The following FAF1 variants were observed in gnomAD, a reference collection of about 807,000 sequenced individuals.
FAF1 encodes Fas associated factor 1.
A neutral mutation model predicts 92.5 loss-of-function variants in FAF1; 25 were observed. That is an observed-to-expected ratio of 0.27 (90% CI 0.20 to 0.38). The LOEUF is 0.38. FAF1 is among the 10% of genes least tolerant of loss of function. The pLI is 1.00. For synonymous variants in FAF1, 234 were observed against 273.2 expected (o/e 0.86, Z 1.42); for missense variants, 636 against 793.3 (o/e 0.80, Z 2.38).
chr1:50,713,843 G>A (rs115100714), intron 6 of FAF1, among the ~76,000 whole-genome samples: 9,874 of 145,568 alleles, frequency 0.068, 410 homozygotes, highest in East Asian at 0.1. Context: ...GCATGATCTC[G>A]GTTCACTGTA....
At chr1:50,489,160 C>T (rs1646800610) in intron 17 of FAF1, among the ~76,000 whole-genome samples, 1 of 152,184 alleles carries the variant, frequency 6.6e-6, no homozygotes, top group South Asian at 2.1e-4. Context: ...TTTGCTGTTA[C>T]TCCTAGACAG....
intron 3 of FAF1, among the ~76,000 whole-genome samples, chr1:50,798,962 C>T (rs979198362): frequency 2.0e-5 from 3 of 152,130 alleles, no homozygotes; most frequent in African/African-American, 4.8e-5. Flanking sequence ...TCACTGCAAC[C>T]TTGGCCTCCC....
intron 17 of FAF1, 73 bp from the exon 18 acceptor site, chr1:50,475,752 G>T: frequency 1.1e-6 from 1 of 948,576 alleles, no homozygotes; most frequent in Non-Finnish European, 1.5e-6. Flanking sequence ...GAAGACACCA[G>T]AAAAAAAGCT....
At chr1:50,910,662 CGTGGCCGTGGGA>C (rs1457489978) in intron 1 of FAF1, among the ~76,000 whole-genome samples, 5 of 151,706 alleles carry the variant, frequency 3.3e-5, no homozygotes, top group African/African-American at 1.2e-4. Flanking sequence ...AGCAAGGCTC[CGTGGCCGTGGGA>C]CCCTCCAAGC....
At chr1:50,831,391 G>A (rs1644151350) in intron 2 of FAF1, among the ~76,000 whole-genome samples, 1 of 152,144 alleles carries the variant, frequency 6.6e-6, no homozygotes, top group Non-Finnish European at 1.5e-5. Flanking sequence ...TATAGAATCT[G>A]TCTTCTGTAT....
At chr1:50,441,707 A>T (rs1367731984) in intron 18 of FAF1, among the ~76,000 whole-genome samples, 184 bp from the exon 19 acceptor site, 2 of 152,210 alleles carry the variant, frequency 1.3e-5, no homozygotes, top group Non-Finnish European at 2.9e-5. Context: ...TTTATAAATG[A>T]GGAAACCAGG....
At chr1:50,498,423 A>C (rs1646927775) in intron 15 of FAF1, among the ~76,000 whole-genome samples, 1 of 152,222 alleles carries the variant, frequency 6.6e-6, no homozygotes, top group Non-Finnish European at 1.5e-5. Context: ...ATCAAAATTA[A>C]ACCTTTTTCA....
chr1:50,576,393 C>T (rs1394288811), intron 12 of FAF1, among the ~76,000 whole-genome samples: 1 of 152,206 alleles, frequency 6.6e-6, no homozygotes, highest in Non-Finnish European at 1.5e-5. Flanking sequence ...ATCTTTGGAG[C>T]TGTAATGAAA....
intron 8 of FAF1, among the ~76,000 whole-genome samples, chr1:50,599,387 C>G (rs1197886245): frequency 6.6e-6 from 1 of 152,166 alleles, no homozygotes; most frequent in Admixed American, 6.5e-5. Context: ...GCTGGGATTA[C>G]AGGCCTAAGC....
rs151310568 is a variant in FAF1 at position 50,530,678 on chromosome 1, G to C, written c.1494+4691C>G. On this transcript the variant is annotated intron_variant, in intron 15 of 18. Transcript: ENST00000396153. ...AACTCAAAGAATAAATGCTTGAGGAGATGGATACCCCATTCTCCATGATGT... is the reference window on the plus strand; with the variant it reads ...AACTCAAAGAATAAATGCTTGAGGACATGGATACCCCATTCTCCATGATGT... 7.0e-4 allele frequency among the ~76,000 whole-genome samples: 106 copies of C among 152,256 alleles called. 6 individuals are homozygous for C. The East Asian group carries it at 0.019, about 28-fold the overall frequency.
chr1:50,612,600 G>T (rs1173308537), intron 8 of FAF1: 1 of 412,142 alleles, frequency 2.4e-6, no homozygotes, highest in Non-Finnish European at 3.3e-6. Context: ...AAATATAAGA[G>T]CTCTGGATAT....
rs538817613 is a variant in FAF1, at chr1:50,924,960, G to T, written c.45+34807C>A. On this transcript the variant is annotated intron_variant, in intron 1 of 18. Transcript: ENST00000396153. ...ATCGTGCCATTGCACTCCAGCCTGG[G>T]TGACAAGAATGAAACTCCATCTCAA... Among the ~76,000 whole-genome samples the T allele has an allele frequency of 2.3e-4, 35 of 152,314 alleles. No homozygotes were observed. In the South Asian group the frequency reaches 7.3e-3, roughly 32 times the overall value.
At position 50,539,654 on chromosome 1, in the gene FAF1, A is replaced by C; in HGVS notation, c.1343T>G (p.Phe448Cys). Residue 448 changes from phenylalanine (F) to cysteine (C), a missense_variant, in exon 14 of 19, where the codon TTT becomes TGT. Physicochemically the swap from Phe to Cys is radical, Grantham distance 205. Coordinates refer to ENST00000396153, the MANE Select transcript of FAF1 (RefSeq NM_007051.3). Reference protein sequence around the residue: ...QTIRTQKTDQFPLFLIIMGKR... With the variant: ...QTIRTQKTDQCPLFLIIMGKR... ...TCCCATAATAATCAGGAAAAGCGGAAACTGATCCGTTTTTTGAGTCCGAAT... is the reference window on the plus strand; with the variant it reads ...TCCCATAATAATCAGGAAAAGCGGACACTGATCCGTTTTTTGAGTCCGAAT... 1 of 1,612,078 alleles carries C rather than the reference A, an allele frequency of 6.2e-7. No homozygotes were observed. The highest frequency in any genetic ancestry group is 8.5e-7 in the Non-Finnish European group (1 of 1,178,382).
chr1:50,718,003 ATTTATTT>A (rs1658251178), intron 6 of FAF1, among the ~76,000 whole-genome samples: 1 of 148,214 alleles, frequency 6.7e-6, no homozygotes, highest in African/African-American at 2.5e-5. Context: ...TTATTTATTT[ATTTATTT>A]ATTTATTTAT....
At chr1:50,729,058 A>ATATTT (rs1375923156) in intron 6 of FAF1, among the ~76,000 whole-genome samples, 710 of 70,038 alleles carry the variant, frequency 0.01, 13 homozygotes, top group South Asian at 0.016. Flanking sequence ...ATATATATAT[A>ATATTT]TTTTTTTTTT....
chr1:50,904,779 G>C (rs182486104), intron 1 of FAF1, among the ~76,000 whole-genome samples: 112 of 152,110 alleles, frequency 7.4e-4, no homozygotes, highest in African/African-American at 2.7e-3. Context: ...TGAACTGCCA[G>C]TTTCCACAAA....
chr1:50,444,896 C>T (rs1646210675), intron 18 of FAF1, among the ~76,000 whole-genome samples: 1 of 140,606 alleles, frequency 7.1e-6, no homozygotes, highest in South Asian at 2.6e-4. Context: ...TGTCAACAGG[C>T]TGCCTTGGGG....
At chr1:50,919,586 C>G (rs1644946785) in intron 1 of FAF1, among the ~76,000 whole-genome samples, 1 of 151,502 alleles carries the variant, frequency 6.6e-6, no homozygotes, top group Admixed American at 6.6e-5. Flanking sequence ...CTCCCGGGTT[C>G]AAGCGATTCT....
At chr1:50,737,719 T>C (rs1342505716) in intron 6 of FAF1, among the ~76,000 whole-genome samples, 1 of 152,204 alleles carries the variant, frequency 6.6e-6, no homozygotes, top group Non-Finnish European at 1.5e-5. Context: ...ATTTAACTTT[T>C]TCAGTTCAGT....
Sources: allele counts gnomAD v4.1 joint callset (sites outside exome capture counted in the v4.1 genomes callset), GRCh38; gene constraint gnomAD v4.1.1; transcripts MANE v1.5; gene names NCBI Gene and HGNC (gene_info 2026-07-23, HGNC 2026-07-21).